The following GPR158 variants were observed in gnomAD, a reference collection of about 807,000 sequenced individuals.
The protein encoded by GPR158 is G protein-coupled receptor 158.
GPR158 carries 30 observed loss-of-function variants against 78.2 expected under a neutral mutation model. The ratio of observed to expected loss-of-function variants is 0.38; its 90% CI spans 0.29 to 0.52. The LOEUF (loss-of-function observed/expected upper bound fraction) is 0.52, where lower values mean the gene tolerates loss of function less well. GPR158 is among the 20% of genes least tolerant of loss of function. The pLI is 0.83. For synonymous variants in GPR158, 581 were observed against 591.1 expected (o/e 0.98, Z 0.25); for missense variants, 1,463 against 1,523.5 (o/e 0.96, Z 0.66).
chr10:25,444,503 G>T (rs12261074), intron 4 of GPR158, among the ~76,000 whole-genome samples: 68,731 of 151,140 alleles, frequency 0.45, 16,460 homozygotes, highest in African/African-American at 0.57. Context: ...AAATGTGGGC[G>T]CATGTATGCG....
At chr10:25,520,623 A>C (rs868165485) in intron 5 of GPR158, among the ~76,000 whole-genome samples, 1 of 150,704 alleles carries the variant, frequency 6.6e-6, no homozygotes, top group Non-Finnish European at 1.5e-5. Context: ...GTCTGTTGGA[A>C]TACCCTGCCG....
At chr10:25,212,868 G>A (rs1588738142) in intron 1 of GPR158, among the ~76,000 whole-genome samples, 1 of 152,112 alleles carries the variant, frequency 6.6e-6, no homozygotes, top group East Asian at 1.9e-4. Context: ...CTGACCTTGT[G>A]ATCCACCCGC....
At chr10:25,310,686 T>A (rs1258273023) in intron 2 of GPR158, among the ~76,000 whole-genome samples, 1 of 152,182 alleles carries the variant, frequency 6.6e-6, no homozygotes, top group African/African-American at 2.4e-5. Flanking sequence ...TAAATATATA[T>A]CTTTCAACTT....
chr10:25,430,416 C>G (rs573241082), intron 4 of GPR158, among the ~76,000 whole-genome samples: 2 of 150,532 alleles, frequency 1.3e-5, no homozygotes, highest in African/African-American at 4.9e-5. Flanking sequence ...GAATCAATAT[C>G]GTGAAAATGG....
At chr10:25,412,994 A>G (rs1319942096) in intron 4 of GPR158, among the ~76,000 whole-genome samples, 1 of 152,180 alleles carries the variant, frequency 6.6e-6, no homozygotes, top group Non-Finnish European at 1.5e-5. Context: ...AGTTTTGGAG[A>G]GAACATGTCC....
rs751226751 is a variant in GPR158, at chr10:25,598,455, A to T, written c.2829A>T (p.Arg943Ser). The stretch of plus-strand genomic sequence containing the variant: ...TGCCAAAAGATAAAGAGACAAACAG[A>T]AATCACTCAAATTCTGATAACACAG... ...KPLPKDKETNRNHSNSDNTET... is the reference protein window; with the variant it reads ...KPLPKDKETNSNHSNSDNTET... The change falls in exon 11 of 11, where the codon AGA becomes AGT. Residue 943 changes from arginine to serine, a missense_variant. Arg to Ser is a moderately radical substitution (Grantham distance 110). Transcript: ENST00000376351. The T allele has an allele frequency of 6.2e-7, 1 of 1,614,086 alleles. No individual in the cohort carries two copies. The highest frequency in any genetic ancestry group is 8.5e-7 in the Non-Finnish European group (1 of 1,180,012).
At chr10:25,520,840 G>C (rs1315804889) in intron 5 of GPR158, among the ~76,000 whole-genome samples, 1 of 152,226 alleles carries the variant, frequency 6.6e-6, no homozygotes, top group Non-Finnish European at 1.5e-5. Flanking sequence ...CCTGCCCCCA[G>C]AGGTGGAGCC....
At chr10:25,198,301 A>C (rs1268911915) in intron 1 of GPR158, among the ~76,000 whole-genome samples, 1 of 152,230 alleles carries the variant, frequency 6.6e-6, no homozygotes, top group East Asian at 1.9e-4. Flanking sequence ...TCCAAGAACA[A>C]GAAGCCAGAC....
At chr10:25,218,699 T>C (rs1286574309) in intron 1 of GPR158, among the ~76,000 whole-genome samples, 1 of 152,212 alleles carries the variant, frequency 6.6e-6, no homozygotes, top group Non-Finnish European at 1.5e-5. Context: ...ACTGGTGATT[T>C]AGAGTGTGCT....
At chr10:25,299,148 G>A (rs1309048468) in intron 2 of GPR158, among the ~76,000 whole-genome samples, 5 of 151,158 alleles carry the variant, frequency 3.3e-5, no homozygotes, top group Non-Finnish European at 7.4e-5. Context: ...TGTTTAAGGT[G>A]TATAACATGT....
intron 2 of GPR158, among the ~76,000 whole-genome samples, chr10:25,261,326 AT>A (rs1853964412): frequency 6.6e-6 from 1 of 152,148 alleles, no homozygotes; most frequent in African/African-American, 2.4e-5. Context: ...TCACATTCCC[AT>A]AAAACACCAG....
intron 6 of GPR158, among the ~76,000 whole-genome samples, chr10:25,565,668 C>T (rs1836919685): frequency 1.3e-5 from 2 of 152,094 alleles, no homozygotes; most frequent in Non-Finnish European, 2.9e-5. Context: ...TAAATGACTC[C>T]CCTCACTGGG....
chr10:25,201,430 C>A (rs1046314624), intron 1 of GPR158, among the ~76,000 whole-genome samples: 3 of 152,160 alleles, frequency 2.0e-5, no homozygotes, highest in African/African-American at 7.2e-5. Flanking sequence ...GGTATAATAT[C>A]ATACCATCTG....
chr10:25,576,986 A>AAAAAAAGTC (rs1190989889), intron 7 of GPR158, among the ~76,000 whole-genome samples: 34 of 150,788 alleles, frequency 2.3e-4, no homozygotes, highest in Non-Finnish European at 2.8e-4. Flanking sequence ...AAAAAAAAAA[A>AAAAAAAGTC]AGTCAGGGCA....
At chr10:25,571,218 A>T (rs557163065) in intron 6 of GPR158, among the ~76,000 whole-genome samples, 4 of 152,264 alleles carry the variant, frequency 2.6e-5, no homozygotes, top group African/African-American at 9.6e-5. Context: ...TGGTTAAGAG[A>T]TCTTCTGTTT....
At chr10:25,478,708 G>C (rs569774584) in intron 5 of GPR158, among the ~76,000 whole-genome samples, 1 of 151,532 alleles carries the variant, frequency 6.6e-6, no homozygotes, top group African/African-American at 2.4e-5. Context: ...GGTTTGTTAC[G>C]TATATATACA....
At chr10:25,292,594 T>C (rs529022411) in intron 2 of GPR158, among the ~76,000 whole-genome samples, 2 of 152,082 alleles carry the variant, frequency 1.3e-5, no homozygotes, top group African/African-American at 4.8e-5. Context: ...GAATGGGAAG[T>C]AGATAGAGCT....
intron 4 of GPR158, among the ~76,000 whole-genome samples, chr10:25,465,772 G>A (rs1424456162): frequency 1.3e-5 from 2 of 152,158 alleles, no homozygotes; most frequent in African/African-American, 4.8e-5. Context: ...AGGTATTTGT[G>A]AAATAGTTTA....
At chr10:25,189,333 A>ACT (rs1385125336) in intron 1 of GPR158, among the ~76,000 whole-genome samples, 2 of 152,206 alleles carry the variant, frequency 1.3e-5, no homozygotes, top group African/African-American at 4.8e-5. Context: ...GCACATGCAC[A>ACT]CTTGTATTTA....
Sources: gnomAD v4.1 joint callset for allele counts (sites outside exome capture counted in the v4.1 genomes callset) on GRCh38, gnomAD v4.1.1 for gene constraint, MANE v1.5 for transcripts, NCBI Gene and HGNC (gene_info 2026-07-23, HGNC 2026-07-21) for gene names.